The following NDUFC1 variants were observed in gnomAD, a reference collection of about 807,000 sequenced individuals.
NDUFC1 encodes NADH:ubiquinone oxidoreductase subunit C1.
A neutral mutation model predicts 11.6 loss-of-function variants in NDUFC1; 11 were observed. The observed-to-expected ratio is 0.95, with a 90% confidence interval of 0.60 to 1.58. The LOEUF (loss-of-function observed/expected upper bound fraction) is 1.58. NDUFC1 is among the 40% of genes most tolerant of loss of function. The pLI is 0.00. For missense variants in NDUFC1, 112 were observed against 93.0 expected (o/e 1.20, Z -0.84); for synonymous variants, 52 against 42.2 (o/e 1.23, Z -0.90).
Position 139,295,047 on chromosome 4 carries a change from A to T in NDUFC1, c.167T>A (p.Ile56Asn), listed in dbSNP as rs968928276. 3.7e-6 allele frequency: 6 copies of T among 1,613,356 alleles called. No homozygotes were observed. The highest frequency in any genetic ancestry group is 5.1e-6 in the Non-Finnish European group (6 of 1,179,466). Reference sequence around the variant, plus strand: ...ATCCGGGAGTAAAGTACTTACATAGATCCACAAGAAGACAGTGGTGCCCAA... The same window carrying T: ...ATCCGGGAGTAAAGTACTTACATAGTTCCACAAGAAGACAGTGGTGCCCAA... ...FTLGTTVFLW[I>N]YLIKQHNEDI... is the part of the protein sequence containing the mutation. Residue 56 changes from isoleucine (I) to asparagine (N), a missense_variant, in exon 4 of 6, where the codon ATC becomes AAC. Physicochemically the swap from Ile to Asn is moderately radical, Grantham distance 149. Transcript: ENST00000394223.
chr4:139,301,517 C>G (rs538885357), intron 1 of NDUFC1: 5 of 469,086 alleles, frequency 1.1e-5, no homozygotes, highest in Admixed American at 4.0e-5. Flanking sequence ...CTGCCTCTGT[C>G]GGTCTGTTCA....
rs1457472545 is a variant in NDUFC1 at position 139,295,126 on chromosome 4, A to T, written c.88T>A (p.Tyr30Asn). Residue 30 changes from tyrosine to asparagine, a missense_variant, in exon 4 of 6, where the codon TAC (tyrosine) becomes AAC (asparagine). Tyr to Asn is a moderately radical substitution (Grantham distance 143, BLOSUM62 -2). Transcript: ENST00000394223. ...PSGPSVRSKF[Y>N]VREPPNAKPD... ...TTGGCATTCGGCGGCTCTCGCACGT[A>T]GAACTTTGATCGCACTGAAGCTGAA... 2 of 1,614,212 alleles carry T rather than the reference A, an allele frequency of 1.2e-6. No homozygotes were observed. Among genetic ancestry groups the T allele is most frequent in the East Asian group, 2.2e-5 (1 of 44,886 alleles).
chr4:139,299,337 A>G (rs1745608582), intron 1 of NDUFC1, among the ~76,000 whole-genome samples: 2 of 151,874 alleles, frequency 1.3e-5, no homozygotes, highest in South Asian at 4.2e-4. Flanking sequence ...AACATCTTAC[A>G]TATATGGAGA....
intron 3 of NDUFC1, 22 bp downstream of exon 3, chr4:139,295,710 C>A: frequency 6.5e-7 from 1 of 1,534,600 alleles, no homozygotes; most frequent in Non-Finnish European, 8.8e-7. Flanking sequence ...GTCGAGTCGG[C>A]CTGCACGAGG....
At chr4:139,299,388 CA>C (rs1373979673) in intron 1 of NDUFC1, among the ~76,000 whole-genome samples, 17 of 151,984 alleles carry the variant, frequency 1.1e-4, no homozygotes, top group South Asian at 2.1e-4. Context: ...TTAAAGTTTG[CA>C]AGGTAAATGA....
chr4:139,297,118 C>G (rs984458651), intron 2 of NDUFC1, among the ~76,000 whole-genome samples: 1 of 152,202 alleles, frequency 6.6e-6, no homozygotes, highest in African/African-American at 2.4e-5. Flanking sequence ...TGGTTCGCCA[C>G]TTATTGTCCA....
chr4:139,302,077 A>C (rs1560946005), intron 1 of NDUFC1: 3 of 398,270 alleles, frequency 7.5e-6, no homozygotes, highest in Non-Finnish European at 1.3e-5. Flanking sequence ...CTAGGCCCCG[A>C]CCTCCCGGCT....
At chr4:139,293,632 T>G (rs1218346678) in intron 4 of NDUFC1, among the ~76,000 whole-genome samples, 3 of 152,138 alleles carry the variant, frequency 2.0e-5, no homozygotes, top group African/African-American at 7.2e-5. Context: ...AACAAGAAAA[T>G]TTAAAATATC....
At chr4:139,290,885 C>G (rs910168215) in intron 5 of NDUFC1, among the ~76,000 whole-genome samples, 2 of 151,844 alleles carry the variant, frequency 1.3e-5, no homozygotes, top group African/African-American at 4.8e-5. Flanking sequence ...AATGCAACCT[C>G]CCAGCCTCTG....
chr4:139,295,747 T>C lies in NDUFC1; in HGVS notation c.52A>G (p.Arg18Gly). Residue 18 changes from arginine (R) to glycine (G), a missense_variant, in exon 3 of 6, where the codon AGG (arginine) becomes GGG (glycine). Transcript: ENST00000394223. ...GGATACTCACGGCCGCTCGGGAGCC[T>C]GGCGGGGGCCAGCAGCCGGGAAAGG... ...RPLSRLLAPARLPSGPSVRSK... is the reference protein window; with the variant it reads ...RPLSRLLAPAGLPSGPSVRSK... 26 of 1,548,352 alleles carry C rather than the reference T, an allele frequency of 1.7e-5. No individual in the cohort carries two copies. Among genetic ancestry groups the C allele is most frequent in the Non-Finnish European group, 2.3e-5 (26 of 1,147,674 alleles).
At position 139,295,756 on chromosome 4, in the gene NDUFC1, C is replaced by A; in HGVS notation, c.43G>T (p.Ala15Ser). 2 of 1,551,582 alleles carry A rather than the reference C, an allele frequency of 1.3e-6. No homozygotes were observed. Among genetic ancestry groups the A allele is most frequent in the East Asian group, 2.4e-5 (1 of 41,238 alleles). The change falls in exon 3 of 6, where the codon GCC (alanine) becomes TCC (serine). Residue 15 changes from alanine to serine, a missense_variant. Coordinates refer to ENST00000394223, the MANE Select transcript of NDUFC1 (RefSeq NM_001184989.2). Reference sequence around the variant, plus strand: ...CGGCCGCTCGGGAGCCTGGCGGGGGCCAGCAGCCGGGAAAGGGGACGCAGC... The same window carrying A: ...CGGCCGCTCGGGAGCCTGGCGGGGGACAGCAGCCGGGAAAGGGGACGCAGC... ...ALLRPLSRLLAPARLPSGPSV... is the reference protein window; with the variant it reads ...ALLRPLSRLLSPARLPSGPSV...
intron 1 of NDUFC1, among the ~76,000 whole-genome samples, chr4:139,298,618 T>C (rs562904029): frequency 6.6e-6 from 1 of 151,430 alleles, no homozygotes; most frequent in Admixed American, 6.6e-5. Flanking sequence ...CCAGAAGCAA[T>C]AGCAAATTGT....
At chr4:139,292,880 G>C (rs1444623064) in intron 4 of NDUFC1, among the ~76,000 whole-genome samples, 1 of 151,728 alleles carries the variant, frequency 6.6e-6, no homozygotes, top group Admixed American at 6.6e-5. Flanking sequence ...GAGTGGAATG[G>C]CGTGATCTTG....
rs760053172 is a variant in NDUFC1, at chr4:139,301,750, GGCGGGAGCA to G, written c.-222+657_-222+665del. 339 of 1,557,558 alleles carry G rather than the reference GGCGGGAGCA, an allele frequency of 2.2e-4. 1 individual carries two copies. The East Asian group carries it at 6.6e-3, about 30-fold the overall frequency. On this transcript the variant is annotated intron_variant, in intron 1 of 5. Transcript: ENST00000394223. ...AAACTGACTGACCGAGCCGGGTGGTGGCGGGAGCAGCGGGAGCAGCCGGAACGATGCCGG... is the reference window on the plus strand; with the variant it reads ...AAACTGACTGACCGAGCCGGGTGGTGGCGGGAGCAGCCGGAACGATGCCGG...
In NDUFC1 at chr4:139,295,607, G is replaced by A. The variant is rs969524306; in HGVS notation, c.67+125C>T. 16 of 1,053,780 alleles carry A rather than the reference G, an allele frequency of 1.5e-5. 1 individual carries two copies. Among genetic ancestry groups the A allele is most frequent in the Non-Finnish European group, 1.9e-5 (14 of 742,802 alleles). The allele number at this position is 1,053,780 out of a possible 1,614,324, so 65.3% of individuals were successfully genotyped here. A position where few individuals can be genotyped will look rare whatever the true frequency, so the allele number is the denominator to read the frequency against. ...ACAGGCGTGGGCTGGGCCTTGGGTC[G>A]TCTGCCGGCGAAGGTCACTGCAGGA... On this transcript the variant is annotated intron_variant, in intron 3 of 5. Transcript: ENST00000394223.
In NDUFC1 at chr4:139,294,532, C is replaced by G. The variant is rs576963757; in HGVS notation, c.171+511G>C. On this transcript the variant is annotated intron_variant, in intron 4 of 5. Transcript: ENST00000394223. ...CGGGCGGATCAATAGGTCAGGAGAT[C>G]GAGACCATCCTGGCTAATACGGTGA... 3.4e-4 allele frequency among the ~76,000 whole-genome samples: 52 copies of G among 151,066 alleles called. No homozygotes were observed. In the East Asian group the frequency reaches 0.01, roughly 29 times the overall value.
intron 1 of NDUFC1, among the ~76,000 whole-genome samples, chr4:139,298,475 C>T (rs1026185928): frequency 2.1e-5 from 3 of 144,364 alleles, no homozygotes; most frequent in Non-Finnish European, 4.6e-5. Context: ...AGCAGCAGGC[C>T]GGGCGTTGGG....
intron 2 of NDUFC1, among the ~76,000 whole-genome samples, chr4:139,297,024 C>T (rs1745500515): frequency 6.6e-6 from 1 of 152,136 alleles, no homozygotes; most frequent in African/African-American, 2.4e-5. Context: ...AATTGTGAGT[C>T]ACTTTAGTTT....
intron 5 of NDUFC1, among the ~76,000 whole-genome samples, chr4:139,290,716 C>CATATAT (rs376295863): frequency 2.7e-5 from 4 of 145,714 alleles, no homozygotes; most frequent in Non-Finnish European, 6.1e-5. Context: ...AGAAATACAC[C>CATATAT]ATATATATAT....
Sources: allele counts gnomAD v4.1 joint callset (sites outside exome capture counted in the v4.1 genomes callset), GRCh38; gene constraint gnomAD v4.1.1; transcripts MANE v1.5; gene names NCBI Gene and HGNC (gene_info 2026-07-23, HGNC 2026-07-21).